Variants in MAST4 observed in about 807,000 individuals in gnomAD.
The protein encoded by MAST4 is microtubule-associated serine/threonine-protein kinase 4.
In MAST4, 89 loss-of-function variants were observed where a neutral mutation model predicts 162.7. That is an observed-to-expected ratio of 0.55 (90% CI 0.46 to 0.65). MAST4 has a LOEUF of 0.65. Among genes scored for constraint, MAST4 ranks in the 30% least tolerant of loss-of-function variants. The pLI is 0.00. For synonymous variants in MAST4, 1,479 were observed against 1,361.1 expected (o/e 1.09, Z -1.91); for missense variants, 3,153 against 3,374.0 (o/e 0.93, Z 1.62).
intron 1 of MAST4, among the ~76,000 whole-genome samples, chr5:66,615,005 A>G (rs1743575721): frequency 6.6e-6 from 1 of 152,226 alleles, no homozygotes. Flanking sequence ...CGCAGGAACC[A>G]GGACCCTTGT....
At chr5:66,807,543 T>C (rs1318859746) in intron 3 of MAST4, among the ~76,000 whole-genome samples, 3 of 152,210 alleles carry the variant, frequency 2.0e-5, no homozygotes, top group African/African-American at 7.2e-5. Flanking sequence ...TTACGGACTG[T>C]AGTCACCCTG....
chr5:66,616,555 G>A (rs1743699201), intron 1 of MAST4, among the ~76,000 whole-genome samples: 1 of 152,082 alleles, frequency 6.6e-6, no homozygotes, highest in South Asian at 2.1e-4. Flanking sequence ...GTTTAGGAGG[G>A]TGAAGCCCAG....
At chr5:66,743,572 T>A (rs1561299426) in intron 1 of MAST4, among the ~76,000 whole-genome samples, 3 of 152,136 alleles carry the variant, frequency 2.0e-5, no homozygotes. Context: ...CAGGCTGCGT[T>A]TCAGTGGCAG....
chr5:66,708,871 G>A (rs1014892246), intron 1 of MAST4, among the ~76,000 whole-genome samples: 1 of 152,164 alleles, frequency 6.6e-6, no homozygotes, highest in Non-Finnish European at 1.5e-5. Context: ...GGGAAAAAAA[G>A]CATTAAATGC....
At chr5:67,073,257 A>C (rs1685124984) in intron 5 of MAST4, among the ~76,000 whole-genome samples, 1 of 152,144 alleles carries the variant, frequency 6.6e-6, no homozygotes, top group African/African-American at 2.4e-5. Context: ...CTTGACACTG[A>C]TGCTCCCCAA....
At chr5:66,847,504 G>C (rs1369036980) in intron 3 of MAST4, among the ~76,000 whole-genome samples, 1 of 152,074 alleles carries the variant, frequency 6.6e-6, no homozygotes, top group Non-Finnish European at 1.5e-5. Context: ...CGTGGTAGTG[G>C]ACGCCTGTAA....
intron 1 of MAST4, among the ~76,000 whole-genome samples, chr5:66,687,406 T>A (rs1040608419): frequency 6.6e-6 from 1 of 151,930 alleles, no homozygotes; most frequent in African/African-American, 2.4e-5. Flanking sequence ...GCAAAGGACA[T>A]GATTTCATTC....
At chr5:66,749,145 G>A (rs572906929) in intron 1 of MAST4, among the ~76,000 whole-genome samples, 6 of 152,078 alleles carry the variant, frequency 3.9e-5, no homozygotes, top group Admixed American at 2.0e-4. Flanking sequence ...AGCCTAGGGC[G>A]ATAGTGACAT....
chr5:66,995,160 ACTT>A (rs148308532), intron 4 of MAST4, among the ~76,000 whole-genome samples: 77,212 of 151,758 alleles, frequency 0.51, 20,681 homozygotes, highest in East Asian at 0.7. Flanking sequence ...AGTAGGAAAG[ACTT>A]CTTTTTAAAA....
chr5:66,725,846 C>G (rs925640948), intron 1 of MAST4, among the ~76,000 whole-genome samples: 3 of 152,010 alleles, frequency 2.0e-5, no homozygotes, highest in African/African-American at 7.3e-5. Flanking sequence ...TGTTATGTGC[C>G]GGTTGAAATA....
At chr5:66,801,980 C>T (rs552212698) in intron 3 of MAST4, among the ~76,000 whole-genome samples, 1 of 152,030 alleles carries the variant, frequency 6.6e-6, no homozygotes, top group Non-Finnish European at 1.5e-5. Context: ...AATTGGTTAG[C>T]TATGTAAAAG....
At chr5:66,822,517 T>C (rs930293501) in intron 3 of MAST4, among the ~76,000 whole-genome samples, 1 of 152,166 alleles carries the variant, frequency 6.6e-6, no homozygotes, top group East Asian at 1.9e-4. Flanking sequence ...GTCAGAAGGA[T>C]GAAGAGTTGT....
chr5:67,132,848 T>TACC lies in MAST4; in HGVS notation c.2094-664_2094-662dup, dbSNP rs1481494285. 9.9e-5 allele frequency among the ~76,000 whole-genome samples: 15 copies of TACC among 152,276 alleles called. No individual in the cohort carries two copies. The South Asian group carries it at 3.1e-3, about 32-fold the overall frequency. On this transcript the variant is annotated intron_variant, in intron 16 of 28. Transcript: ENST00000403625. ...AGAGAAAAAAATTCATCTGCAGTATTACCAAAGACAACTATTAAAATTTTG... is the reference window on the plus strand; with the variant it reads ...AGAGAAAAAAATTCATCTGCAGTATTACCACCAAAGACAACTATTAAAATTTTG...
chr5:66,704,159 A>G (rs1420569734), intron 1 of MAST4, among the ~76,000 whole-genome samples: 2 of 152,120 alleles, frequency 1.3e-5, no homozygotes, highest in East Asian at 1.9e-4. Context: ...TCATTTTATT[A>G]TACCACGTCT....
chr5:66,870,019 T>C (rs1467047516), intron 3 of MAST4, among the ~76,000 whole-genome samples: 2 of 152,194 alleles, frequency 1.3e-5, no homozygotes, highest in Non-Finnish European at 2.9e-5. Context: ...TTTTAAAATA[T>C]AGTACCTTGG....
chr5:66,750,896 G>T (rs1753109787), intron 1 of MAST4, among the ~76,000 whole-genome samples: 1 of 152,238 alleles, frequency 6.6e-6, no homozygotes, highest in Admixed American at 6.5e-5. Flanking sequence ...AAATGTCTCT[G>T]TCTGACAGCT....
intron 2 of MAST4, among the ~76,000 whole-genome samples, chr5:66,772,102 G>C (rs927509705): frequency 2.6e-5 from 4 of 152,178 alleles, no homozygotes; most frequent in Non-Finnish European, 5.9e-5. Flanking sequence ...ACAATTAACA[G>C]CGTGAAAGAT....
intron 4 of MAST4, among the ~76,000 whole-genome samples, chr5:66,907,294 G>A (rs1330913814): frequency 6.7e-6 from 1 of 149,740 alleles, no homozygotes; most frequent in African/African-American, 2.5e-5. Flanking sequence ...CCATTGCAAA[G>A]GGTGCAAACT....
intron 3 of MAST4, among the ~76,000 whole-genome samples, chr5:66,858,658 GC>G (rs1238826102): frequency 1.3e-5 from 2 of 151,854 alleles, no homozygotes; most frequent in Non-Finnish European, 2.9e-5. Context: ...GATATTTTTG[GC>G]TATTTATGCT....
Sources: allele counts gnomAD v4.1 joint callset (sites outside exome capture counted in the v4.1 genomes callset), GRCh38; gene constraint gnomAD v4.1.1; transcripts MANE v1.5; gene names NCBI Gene and HGNC (gene_info 2026-07-23, HGNC 2026-07-21).